IHO1: variants seen among roughly 807,000 people sequenced by gnomAD.
IHO1 encodes interactor of HORMAD1 1.
In IHO1, 13 loss-of-function variants were observed where a neutral mutation model predicts 31.0. The ratio of observed to expected loss-of-function variants is 0.42; its 90% CI spans 0.27 to 0.67. The LOEUF is 0.67. IHO1 is among the 30% of genes least tolerant of loss of function. The probability of loss-of-function intolerance (pLI) is 0.24; values close to 1 mark genes in which losing one functional copy is unlikely to be tolerated. For missense variants in IHO1, 599 were observed against 687.5 expected, an observed-to-expected ratio of 0.87 and a Z score of 1.44; for synonymous variants, 221 against 248.4, an observed-to-expected ratio of 0.89 and a Z score of 1.04.
At chr3:49,242,652 G>A (rs2046644695) in intron 4 of IHO1, among the ~76,000 whole-genome samples, 3 of 152,134 alleles carry the variant, frequency 2.0e-5, no homozygotes, top group African/African-American at 7.2e-5. Context: ...GTCTAGAATA[G>A]AATGTGGCCA....
At chr3:49,196,241 A>G (rs2045995456), upstream of IHO1, among the ~76,000 whole-genome samples, 1 of 150,358 alleles carries the variant, frequency 6.7e-6, no homozygotes, top group Admixed American at 6.7e-5. Flanking sequence ...AAAAAAAAAA[A>G]AAAAATCACC....
At chr3:49,239,742 A>C (rs542180896) in intron 3 of IHO1, among the ~76,000 whole-genome samples, 3 of 149,188 alleles carry the variant, frequency 2.0e-5, no homozygotes, top group Non-Finnish European at 4.4e-5. Context: ...GGCTCACCAC[A>C]ACCTCTGCCT....
At chr3:49,196,143 A>G (rs1481909826), upstream of IHO1, among the ~76,000 whole-genome samples, 1 of 149,346 alleles carries the variant, frequency 6.7e-6, no homozygotes, top group African/African-American at 2.4e-5. Context: ...GAGGCTGAGA[A>G]TGGCATGAAC....
chr3:49,214,887 G>A (rs190035859), intron 2 of IHO1, among the ~76,000 whole-genome samples: 5 of 151,414 alleles, frequency 3.3e-5, no homozygotes, highest in African/African-American at 7.3e-5. Context: ...TGATCTGCCC[G>A]CCTCAGCCTC....
intron 3 of IHO1, among the ~76,000 whole-genome samples, chr3:49,238,066 G>A (rs943388386): frequency 2.0e-5 from 3 of 151,384 alleles, no homozygotes; most frequent in East Asian, 3.9e-4. Flanking sequence ...CACCACACAC[G>A]GCTGATTTTT....
intron 2 of IHO1, among the ~76,000 whole-genome samples, chr3:49,223,533 T>TA (rs939321810): frequency 1.6e-4 from 25 of 151,680 alleles, no homozygotes; most frequent in African/African-American, 5.6e-4. Flanking sequence ...CTACTAAAAA[T>TA]AAAAAAAATT....
At chr3:49,249,275 ATT>A (rs34932084) in intron 6 of IHO1, among the ~76,000 whole-genome samples, 1 of 145,968 alleles carries the variant, frequency 6.9e-6, no homozygotes. Flanking sequence ...CATGGACAAC[ATT>A]TTTTTTTTTT....
chr3:49,247,292 C>T (rs966001580), intron 6 of IHO1, among the ~76,000 whole-genome samples: 19 of 151,862 alleles, frequency 1.3e-4, no homozygotes, highest in African/African-American at 4.6e-4. Context: ...TGCAGTAGCA[C>T]GATCTCGGTT....
chr3:49,200,471 AAAAAAAAGAAAG>A, intron 1 of IHO1: 3 of 339,334 alleles, frequency 8.8e-6, no homozygotes, highest in Non-Finnish European at 9.9e-6. Flanking sequence ...TCTCAAAAAA[AAAAAAAAGAAAG>A]AAAGAAAGAA....
At chr3:49,251,117 T>G (rs900974674) in intron 6 of IHO1, among the ~76,000 whole-genome samples, 1 of 151,874 alleles carries the variant, frequency 6.6e-6, no homozygotes, top group Non-Finnish European at 1.5e-5. Flanking sequence ...AGTTTTTGTT[T>G]GTTGGTTGGT....
At chr3:49,196,933 G>A (rs954086118), upstream of IHO1, among the ~76,000 whole-genome samples, 12 of 149,728 alleles carry the variant, frequency 8.0e-5, no homozygotes, top group African/African-American at 3.0e-4. Flanking sequence ...GCCTCCCAGG[G>A]TGCTGGGATT....
intron 1 of IHO1, among the ~76,000 whole-genome samples, chr3:49,205,944 AT>A (rs945017557): frequency 1.4e-4 from 19 of 134,558 alleles, no homozygotes; most frequent in East Asian, 2.2e-4. Flanking sequence ...TAATTTTTGT[AT>A]TTTTTTTTCT....
At chr3:49,200,364 C>T (rs1209224786) in intron 1 of IHO1, among the ~76,000 whole-genome samples, 11 of 151,234 alleles carry the variant, frequency 7.3e-5, no homozygotes, top group Admixed American at 1.3e-4. Context: ...ACTTGGGAGG[C>T]TGAGGCAGGA....
At chr3:49,216,851 A>G (rs1464307442) in intron 2 of IHO1, among the ~76,000 whole-genome samples, 2 of 152,374 alleles carry the variant, frequency 1.3e-5, no homozygotes, top group East Asian at 3.9e-4. Flanking sequence ...ACTTCTCAAA[A>G]TAAGACATTT....
At chr3:49,239,707 G>T (rs1173214970) in intron 3 of IHO1, among the ~76,000 whole-genome samples, 1 of 149,700 alleles carries the variant, frequency 6.7e-6, no homozygotes, top group African/African-American at 2.5e-5. Context: ...TGGTTGCCCA[G>T]ACTGGAGTGC....
intron 1 of IHO1, 28 bp from the exon 2 acceptor site, chr3:49,211,738 C>T: frequency 1.8e-6 from 2 of 1,095,342 alleles, no homozygotes; most frequent in Non-Finnish European, 2.8e-6. Flanking sequence ...TGTTAACTTT[C>T]TTAATATTCA....
Position 49,256,585 on chromosome 3 carries a change from C to G in IHO1, c.1088C>G (p.Thr363Ser). Residue 363 changes from threonine (T) to serine (S), a missense_variant, in exon 8 of 8, where the codon ACT (threonine) becomes AGT (serine). Thr to Ser is a moderately conservative substitution (Grantham distance 58). Transcript: ENST00000452691. This position sits in a 1 kb window ranked among gnomAD's most constrained non-coding sequence, Gnocchi z 4.6. ...ACTAACTGCAAGAACTGGGCTGTTACTAAAACAGGTGCCAAGAACCATGGT... is the reference window on the plus strand; with the variant it reads ...ACTAACTGCAAGAACTGGGCTGTTAGTAAAACAGGTGCCAAGAACCATGGT... ...VQTNCKNWAV[T>S]KTGAKNHGSS... 1 of 1,614,218 alleles carries G rather than the reference C, an allele frequency of 6.2e-7. No individual in the cohort carries two copies. Among genetic ancestry groups the G allele is most frequent in the Non-Finnish European group, 8.5e-7 (1 of 1,180,044 alleles).
chr3:49,201,972 C>T (rs2046075428), intron 1 of IHO1, among the ~76,000 whole-genome samples: 1 of 152,104 alleles, frequency 6.6e-6, no homozygotes, highest in Non-Finnish European at 1.5e-5. Context: ...ATGTTTTGCT[C>T]CACAAAATCT....
At chr3:49,208,847 T>A (rs546027034) in intron 1 of IHO1, among the ~76,000 whole-genome samples, 1 of 152,334 alleles carries the variant, frequency 6.6e-6, no homozygotes, top group Non-Finnish European at 1.5e-5. Flanking sequence ...TGGGGCTTGA[T>A]CCACTCAAGA....
Sources: allele counts gnomAD v4.1 joint callset (sites outside exome capture counted in the v4.1 genomes callset), GRCh38; gene constraint gnomAD v4.1.1; non-coding constraint Gnocchi (gnomAD v3.1); transcripts MANE v1.5; gene names NCBI Gene and HGNC (gene_info 2026-07-23, HGNC 2026-07-21).